Variants in FAF1 observed in about 807,000 individuals in gnomAD.
The protein encoded by FAF1 is Fas associated factor 1.
Under a neutral mutation model 92.5 loss-of-function variants are expected in FAF1, and 25 were observed. That is an observed-to-expected ratio of 0.27 (90% confidence interval 0.20 to 0.38). FAF1 has a LOEUF of 0.38. Ranked by LOEUF, FAF1 falls within the 10% of genes least tolerant of loss-of-function variation. The pLI is 1.00. For synonymous variants in FAF1, 234 were observed against 273.2 expected (o/e 0.86, Z 1.42); for missense variants, 636 against 793.3 (o/e 0.80, Z 2.38).
At chr1:50,677,311 G>T (rs1196888312) in intron 7 of FAF1, among the ~76,000 whole-genome samples, 1 of 152,124 alleles carries the variant, frequency 6.6e-6, no homozygotes, top group Non-Finnish European at 1.5e-5. Flanking sequence ...GAAGAAGTAG[G>T]TAACACTTTT....
intron 8 of FAF1, among the ~76,000 whole-genome samples, chr1:50,605,835 T>A (rs543285009): frequency 6.6e-6 from 1 of 152,268 alleles, no homozygotes; most frequent in East Asian, 1.9e-4. Context: ...ATTTGTTGAA[T>A]GTTATACTAA....
chr1:50,514,360 T>A (rs1478992338), intron 15 of FAF1, among the ~76,000 whole-genome samples: 4 of 152,212 alleles, frequency 2.6e-5, no homozygotes, highest in African/African-American at 9.7e-5. Flanking sequence ...TAAGTTCATA[T>A]CTGCTAAATG....
intron 1 of FAF1, among the ~76,000 whole-genome samples, chr1:50,956,233 T>C (rs144889802): frequency 8.7e-4 from 133 of 152,268 alleles, no homozygotes; most frequent in African/African-American, 3.1e-3. Context: ...TAATATTTGC[T>C]TTGTAATAAA....
chr1:50,532,784 T>C (rs549759080), intron 15 of FAF1, among the ~76,000 whole-genome samples: 1 of 152,294 alleles, frequency 6.6e-6, no homozygotes, highest in East Asian at 1.9e-4. Context: ...GGTTTCATTT[T>C]TTAAAAATAT....
intron 9 of FAF1, among the ~76,000 whole-genome samples, chr1:50,586,691 C>T (rs1651247845): frequency 6.6e-6 from 1 of 152,140 alleles, no homozygotes; most frequent in Non-Finnish European, 1.5e-5. Flanking sequence ...CTGGTTTAAG[C>T]TAGTCAACAG....
At chr1:50,880,832 C>T (rs149764109) in intron 1 of FAF1, among the ~76,000 whole-genome samples, 5 of 152,222 alleles carry the variant, frequency 3.3e-5, no homozygotes, top group Middle Eastern at 3.4e-3. Context: ...GTTGTTCAGT[C>T]GTAGAGTTAC....
At chr1:50,771,463 G>A (rs1284491844) in intron 4 of FAF1, among the ~76,000 whole-genome samples, 2 of 152,114 alleles carry the variant, frequency 1.3e-5, no homozygotes, top group African/African-American at 2.4e-5. Context: ...CAAAGGACAC[G>A]ATCAGATACT....
At chr1:50,830,938 T>A (rs1178756154) in intron 2 of FAF1, among the ~76,000 whole-genome samples, 1 of 151,974 alleles carries the variant, frequency 6.6e-6, no homozygotes, top group Non-Finnish European at 1.5e-5. Context: ...TGTAAAAGAG[T>A]ATAATGAAAA....
intron 15 of FAF1, among the ~76,000 whole-genome samples, chr1:50,500,638 G>GA (rs1646972659): frequency 6.6e-6 from 1 of 151,960 alleles, no homozygotes; most frequent in Admixed American, 6.6e-5. Flanking sequence ...ATACATAAAA[G>GA]AAAAAATATT....
chr1:50,577,920 A>G (rs1650825915), intron 12 of FAF1, among the ~76,000 whole-genome samples: 1 of 152,234 alleles, frequency 6.6e-6, no homozygotes, highest in Non-Finnish European at 1.5e-5. Context: ...GAAAAAAGGC[A>G]AAAAGAACGA....
Position 50,960,023 on chromosome 1 carries a change from G to C in FAF1, c.-212C>G, listed in dbSNP as rs1413669358. 60 of 394,886 alleles carry C rather than the reference G, an allele frequency of 1.5e-4. No homozygotes were observed. The East Asian group carries it at 2.1e-3, about 14-fold the overall frequency. 24.5% of individuals were successfully genotyped at this position (394,886 alleles called of 1,614,324 possible). A position where few individuals can be genotyped will look rare whatever the true frequency, so the allele number is the denominator to read the frequency against. ...TCGGTAACCTTCAGGCGCCCCGGCC[G>C]CCCGCCTGCAACCTGCGGAGCCCGC... On this transcript the variant is annotated 5_prime_UTR_variant, in exon 1 of 19. Transcript: ENST00000396153.
chr1:50,474,625 G>A lies in FAF1; in HGVS notation c.1869+839C>T, dbSNP rs542888516. Reference sequence around the variant, plus strand: ...GCTTTTTTGTTGGCAGCCACAACGCGTTATTAACGTGTATTCAGCTTAATT... The same window carrying A: ...GCTTTTTTGTTGGCAGCCACAACGCATTATTAACGTGTATTCAGCTTAATT... On this transcript the variant is annotated intron_variant, in intron 18 of 18. Transcript: ENST00000396153. 1.4e-4 allele frequency among the ~76,000 whole-genome samples: 21 copies of A among 152,228 alleles called. 2 individuals are homozygous for A. In the South Asian group the frequency reaches 3.1e-3, roughly 23 times the overall value.
intron 18 of FAF1, among the ~76,000 whole-genome samples, chr1:50,457,724 C>CAAAAAAAA (rs35479561): frequency 9.4e-4 from 53 of 56,466 alleles, no homozygotes; most frequent in South Asian, 2.7e-3. Context: ...CCCATCTCTG[C>CAAAAAAAA]AAAAAAAAAA....
chr1:50,716,549 C>T (rs1028734589), intron 6 of FAF1, among the ~76,000 whole-genome samples: 3 of 152,086 alleles, frequency 2.0e-5, no homozygotes, highest in Admixed American at 2.0e-4. Flanking sequence ...TCTAGCTAGA[C>T]AATTGTAAAT....
chr1:50,448,257 G>C (rs770213398), intron 18 of FAF1, among the ~76,000 whole-genome samples: 1 of 152,144 alleles, frequency 6.6e-6, no homozygotes, highest in Non-Finnish European at 1.5e-5. Context: ...CCAGTGGCTG[G>C]AACTGTTGAA....
intron 2 of FAF1, among the ~76,000 whole-genome samples, chr1:50,815,058 T>C (rs184378793): frequency 6.6e-6 from 1 of 152,326 alleles, no homozygotes; most frequent in Admixed American, 6.5e-5. Context: ...AGCAGTCTCT[T>C]AAAAAGATAT....
At chr1:50,956,201 T>C (rs1222912943) in intron 1 of FAF1, among the ~76,000 whole-genome samples, 1 of 152,172 alleles carries the variant, frequency 6.6e-6, no homozygotes, top group Non-Finnish European at 1.5e-5. Context: ...GGGGGAGGAT[T>C]TTCTTAGAGG....
intron 13 of FAF1, among the ~76,000 whole-genome samples, chr1:50,556,614 T>G (rs559483194): frequency 6.6e-6 from 1 of 152,018 alleles, no homozygotes; most frequent in Non-Finnish European, 1.5e-5. Context: ...GGTGGACAGA[T>G]TGCATGAGCT....
chr1:50,785,132 CA>C (rs748061344), intron 4 of FAF1, among the ~76,000 whole-genome samples: 1,364 of 59,112 alleles, frequency 0.023, 2 homozygotes, highest in Middle Eastern at 0.044. Context: ...GACCCTATCT[CA>C]AAAAAAAAAA....
Sources: allele counts gnomAD v4.1 joint callset (sites outside exome capture counted in the v4.1 genomes callset), GRCh38; gene constraint gnomAD v4.1.1; transcripts MANE v1.5; gene names NCBI Gene and HGNC (gene_info 2026-07-23, HGNC 2026-07-21).